MAP6: variants seen among roughly 807,000 people sequenced by gnomAD.
The protein encoded by MAP6 is microtubule-associated protein 6.
A neutral mutation model predicts 42.4 loss-of-function variants in MAP6; 26 were observed. That is an observed-to-expected ratio of 0.61 (90% CI 0.45 to 0.85). The LOEUF (loss-of-function observed/expected upper bound fraction) is 0.85. MAP6 is among the 40% of genes least tolerant of loss of function. The pLI, the probability that MAP6 is intolerant of heterozygous loss-of-function variation, is 0.00. For missense variants in MAP6, 966 were observed against 1,099.0 expected, an observed-to-expected ratio of 0.88 and a Z score of 1.71; for synonymous variants, 418 against 443.8, an observed-to-expected ratio of 0.94 and a Z score of 0.73.
intron 3 of MAP6, chr11:75,603,778 G>A: frequency 1.0e-6 from 1 of 984,818 alleles, no homozygotes; most frequent in Non-Finnish European, 1.2e-6. Flanking sequence ...CTTCTAGCAA[G>A]GGAATGCTAA....
intron 1 of MAP6, among the ~76,000 whole-genome samples, chr11:75,622,714 A>G (rs1226464400): frequency 6.6e-6 from 1 of 152,242 alleles, no homozygotes; most frequent in Non-Finnish European, 1.5e-5. Context: ...GAGGATTTAC[A>G]CTACCTGATT....
chr11:75,634,992 T>C (rs1291457010), intron 1 of MAP6, among the ~76,000 whole-genome samples: 2 of 152,174 alleles, frequency 1.3e-5, no homozygotes, highest in Non-Finnish European at 2.9e-5. Flanking sequence ...TGGAGCAAAA[T>C]AGGCGGCCAG....
intron 3 of MAP6, among the ~76,000 whole-genome samples, chr11:75,589,247 G>A (rs585466): frequency 0.018 from 2,708 of 152,252 alleles, 31 homozygotes; most frequent in Middle Eastern, 0.041. Flanking sequence ...CACTGTGGCC[G>A]TCTGCCTCAT....
At chr11:75,629,725 G>C (rs139791531) in intron 1 of MAP6, among the ~76,000 whole-genome samples, 1 of 152,250 alleles carries the variant, frequency 6.6e-6, no homozygotes, top group East Asian at 1.9e-4. Context: ...AGGTCTGAAT[G>C]CAAGTTTGTA....
chr11:75,608,002 GC>G, intron 2 of MAP6, 106 bp downstream of exon 2: 1 of 1,012,572 alleles, frequency 9.9e-7, no homozygotes, highest in South Asian at 1.5e-5. Flanking sequence ...TTTTAAAGGT[GC>G]CCGTGGAGGC....
intron 1 of MAP6, among the ~76,000 whole-genome samples, chr11:75,632,559 G>A (rs1440629573): frequency 6.6e-6 from 1 of 151,986 alleles, no homozygotes; most frequent in Non-Finnish European, 1.5e-5. Flanking sequence ...CTTTTGTTTT[G>A]CGTGATTCTA....
chr11:75,639,807 G>A (rs1232291459), intron 1 of MAP6, among the ~76,000 whole-genome samples: 2 of 152,204 alleles, frequency 1.3e-5, no homozygotes, highest in African/African-American at 4.8e-5. Context: ...CACACACAGA[G>A]AGATTACTGT....
Position 75,667,695 on chromosome 11 carries a change from C to T in MAP6, c.675G>A (p.Leu225=), listed in dbSNP as rs914099770. 24 of 1,279,078 alleles carry T rather than the reference C, an allele frequency of 1.9e-5. No individual in the cohort carries two copies. The highest frequency in any genetic ancestry group is 3.9e-6 in the Non-Finnish European group (4 of 1,016,896). 79.2% of individuals were successfully genotyped at this position (1,279,078 alleles called of 1,614,324 possible). A position where few individuals can be genotyped will look rare whatever the true frequency, so the allele number is the denominator to read the frequency against. ...CCGCCCCGGACGCCTTTCCGGCCGC[C>T]AGGCCACCCGCTCCGCCGGGGGCCG... ...QEAAPGGAGG[L]AAGKASGADE... is the part of the protein sequence containing the mutation. The change falls in exon 1 of 4, where the codon CTG becomes CTA. Residue 225 remains leucine (L), a synonymous_variant. Transcript: ENST00000304771. This position sits in a 1 kb window ranked among gnomAD's most constrained non-coding sequence, Gnocchi z 5.6.
At chr11:75,620,882 G>A (rs1429594008) in intron 1 of MAP6, among the ~76,000 whole-genome samples, 1 of 152,176 alleles carries the variant, frequency 6.6e-6, no homozygotes, top group East Asian at 1.9e-4. Context: ...TGTAATCCCG[G>A]CACTCTGGGA....
chr11:75,636,883 T>C (rs1169552714), intron 1 of MAP6, among the ~76,000 whole-genome samples: 1 of 152,246 alleles, frequency 6.6e-6, no homozygotes, highest in African/African-American at 2.4e-5. Context: ...TGCTTCCTTG[T>C]GTGGCCCTGC....
At chr11:75,656,412 C>G (rs189523197) in intron 1 of MAP6, among the ~76,000 whole-genome samples, 1 of 152,214 alleles carries the variant, frequency 6.6e-6, no homozygotes, top group East Asian at 1.9e-4. Context: ...GGAAGGATAG[C>G]AAAGATAATA....
At position 75,650,634 on chromosome 11, in the gene MAP6, A is replaced by G. The variant is rs114212109; in HGVS notation, c.905+16831T>C. ...CTCTGAGTATTAATATTTAGGAATTATAACTGCAAGGACCTAAGAGTTTAC... is the reference window on the plus strand; with the variant it reads ...CTCTGAGTATTAATATTTAGGAATTGTAACTGCAAGGACCTAAGAGTTTAC... On this transcript the variant is annotated intron_variant, in intron 1 of 3. Transcript: ENST00000304771. Among the ~76,000 whole-genome samples, 549 of 152,282 alleles carry G rather than the reference A, an allele frequency of 3.6e-3. 2 individuals are homozygous for G. Among genetic ancestry groups the G allele is most frequent in the African/African-American group, 0.013 (526 of 41,542 alleles).
chr11:75,608,818 T>C (rs1942830432), intron 1 of MAP6, among the ~76,000 whole-genome samples: 1 of 152,258 alleles, frequency 6.6e-6, no homozygotes. Flanking sequence ...AGAACTTTTG[T>C]TGCCCAGATT....
rs768825918 is a variant in MAP6, at chr11:75,605,885, C to T, written c.1239G>A (p.Ala413=). The T allele has an allele frequency of 2.2e-5, 35 of 1,614,006 alleles. No individual in the cohort carries two copies. Among genetic ancestry groups the T allele is most frequent in the African/African-American group, 5.3e-5 (4 of 74,882 alleles). Residue 413 remains alanine (A), a synonymous_variant, in exon 3 of 4, where the codon GCG becomes GCA. Transcript: ENST00000304771. ...VSGQAAKKKS[A]EGPSTTKPDD... Reference sequence around the variant, plus strand: ...CTGGCTTGGTGGTACTCGGGCCCTCCGCGCTCTTTTTCTTGGCAGCCTGGC... The same window carrying T: ...CTGGCTTGGTGGTACTCGGGCCCTCTGCGCTCTTTTTCTTGGCAGCCTGGC...
rs1943982121 is a variant in MAP6 at position 75,667,736 on chromosome 11, C to T, written c.634G>A (p.Ala212Thr). 1.5e-6 allele frequency: 2 copies of T among 1,303,012 alleles called. No individual in the cohort carries two copies. Among genetic ancestry groups the T allele is most frequent in the South Asian group, 2.3e-5 (1 of 43,192 alleles). 80.7% of individuals were successfully genotyped at this position (1,303,012 alleles called of 1,614,324 possible). Residue 212 changes from alanine to threonine, a missense_variant, in exon 1 of 4, where the codon GCC becomes ACC. Coordinates refer to ENST00000304771, the MANE Select transcript of MAP6 (RefSeq NM_033063.2). This position sits in a 1 kb window ranked among gnomAD's most constrained non-coding sequence, Gnocchi z 5.6. ...CCGGGGGCCGCCTCCTGCTCCCGGG[C>T]CTCAGCGGCGGCCTGCACTGGCCAG... ...ERWPVQAAAE[A>T]REQEAAPGGA...
At chr11:75,606,984 A>G (rs148138670) in intron 2 of MAP6, among the ~76,000 whole-genome samples, 18 of 152,254 alleles carry the variant, frequency 1.2e-4, no homozygotes, top group Non-Finnish European at 2.2e-4. Context: ...GTCCAATGCT[A>G]ACCCCATGCC....
chr11:75,627,457 C>G (rs977220685), intron 1 of MAP6, among the ~76,000 whole-genome samples: 1 of 152,192 alleles, frequency 6.6e-6, no homozygotes, highest in East Asian at 1.9e-4. Context: ...TGTGCTTGCA[C>G]GTACGTCCAT....
At chr11:75,612,834 T>C (rs1410275906) in intron 1 of MAP6, among the ~76,000 whole-genome samples, 1 of 152,196 alleles carries the variant, frequency 6.6e-6, no homozygotes, top group Non-Finnish European at 1.5e-5. Flanking sequence ...CTCTCCTGGG[T>C]TACTCAACCC....
Position 75,617,001 on chromosome 11 carries a change from A to G in MAP6, c.906-8679T>C, listed in dbSNP as rs1454284931. 4.6e-5 allele frequency among the ~76,000 whole-genome samples: 7 copies of G among 152,234 alleles called. No homozygotes were observed. The East Asian group carries it at 1.3e-3, about 29-fold the overall frequency. On this transcript the variant is annotated intron_variant, in intron 1 of 3. Coordinates refer to ENST00000304771, the MANE Select transcript of MAP6 (RefSeq NM_033063.2). ...AAAGAATGCTCCCTCTCTCTTACAT[A>G]GAAAGATTTGTATGGGTAACATCTG...
Sources: allele counts gnomAD v4.1 joint callset (sites outside exome capture counted in the v4.1 genomes callset), GRCh38; gene constraint gnomAD v4.1.1; non-coding constraint Gnocchi (gnomAD v3.1); transcripts MANE v1.5; gene names NCBI Gene and HGNC (gene_info 2026-07-23, HGNC 2026-07-21).